The following HEMK2 variants were observed in gnomAD, a reference collection of about 807,000 sequenced individuals.
HEMK2 encodes the protein HemK methyltransferase 2, ETF1 glutamine and histone H4 lysine, also known as methyltransferase HEMK2.
At chr21:28,745,005 T>A in the HEMK2 span, among the ~76,000 whole-genome samples, 1 of 152,186 alleles carries the variant, frequency 6.6e-6, no homozygotes, top group Non-Finnish European at 1.5e-5. Flanking sequence ...GACAATTCAA[T>A]TTTTTCAACA....
At chr21:28,634,189 A>C in the HEMK2 span, among the ~76,000 whole-genome samples, 1 of 152,174 alleles carries the variant, frequency 6.6e-6, no homozygotes, top group Non-Finnish European at 1.5e-5. Context: ...CTTAGATCTG[A>C]CTTCCCAAAT....
At chr21:28,843,383 C>T in the HEMK2 span, among the ~76,000 whole-genome samples, 1 of 152,088 alleles carries the variant, frequency 6.6e-6, no homozygotes, top group African/African-American at 2.4e-5. Context: ...GGAAACAACC[C>T]CCATGATCCA....
chr21:28,746,114 G>A, the HEMK2 span, among the ~76,000 whole-genome samples: 1 of 152,106 alleles, frequency 6.6e-6, no homozygotes, highest in South Asian at 2.1e-4. Context: ...ACATGTGTAA[G>A]TAATAAAAAC....
At chr21:28,797,922 T>C in the HEMK2 span, among the ~76,000 whole-genome samples, 1 of 152,310 alleles carries the variant, frequency 6.6e-6, no homozygotes, top group East Asian at 1.9e-4. Flanking sequence ...AAGTTTCTGT[T>C]GATTCCTATC....
the HEMK2 span, among the ~76,000 whole-genome samples, chr21:28,694,868 GGC>G: frequency 6.6e-6 from 1 of 152,036 alleles, no homozygotes; most frequent in African/African-American, 2.4e-5. Flanking sequence ...CGTGGTGGCG[GGC>G]GCCTATAGTC....
the HEMK2 span, among the ~76,000 whole-genome samples, chr21:28,880,337 A>G: frequency 5.3e-5 from 8 of 152,244 alleles, no homozygotes; most frequent in African/African-American, 1.4e-4. Context: ...CTGTACAGAT[A>G]CCTACCATTA....
chr21:28,691,848 T>C, the HEMK2 span, among the ~76,000 whole-genome samples: 1 of 152,244 alleles, frequency 6.6e-6, no homozygotes, highest in Non-Finnish European at 1.5e-5. Context: ...CTGAACATTC[T>C]TTAAATGACT....
At chr21:28,618,287 G>A in the HEMK2 span, among the ~76,000 whole-genome samples, 12 of 152,110 alleles carry the variant, frequency 7.9e-5, no homozygotes, top group East Asian at 2.3e-3. Context: ...AAAATGTTCA[G>A]GTTTTCATGA....
the HEMK2 span, among the ~76,000 whole-genome samples, chr21:28,791,142 T>C: frequency 6.6e-6 from 1 of 152,154 alleles, no homozygotes; most frequent in Non-Finnish European, 1.5e-5. Flanking sequence ...TTACCTCAGT[T>C]GCTTTTTTAG....
At chr21:28,856,241 C>T in the HEMK2 span, among the ~76,000 whole-genome samples, 2 of 151,978 alleles carry the variant, frequency 1.3e-5, no homozygotes, top group East Asian at 3.9e-4. Context: ...ATGGTGAAAC[C>T]CTAACTCTAC....
At chr21:28,605,901 G>C in the HEMK2 span, among the ~76,000 whole-genome samples, 1 of 152,048 alleles carries the variant, frequency 6.6e-6, no homozygotes, top group Non-Finnish European at 1.5e-5. Context: ...TCCATTGAAG[G>C]TATCCATGAT....
chr21:28,868,963 C>T, the HEMK2 span, among the ~76,000 whole-genome samples: 17 of 151,838 alleles, frequency 1.1e-4, no homozygotes, highest in Non-Finnish European at 2.1e-4. Context: ...ATTTTCCTAT[C>T]CTTTTCCCTT....
chr21:28,715,983 C>A, the HEMK2 span, among the ~76,000 whole-genome samples: 6 of 152,134 alleles, frequency 3.9e-5, no homozygotes, highest in Non-Finnish European at 8.8e-5. Context: ...GTTATCCATT[C>A]TGTTCTATTG....
chr21:28,794,392 T>A, the HEMK2 span, among the ~76,000 whole-genome samples: 1 of 152,234 alleles, frequency 6.6e-6, no homozygotes, highest in Non-Finnish European at 1.5e-5. Flanking sequence ...GTAATGAGAA[T>A]AACTCAAATT....
At chr21:28,659,516 T>G in the HEMK2 span, among the ~76,000 whole-genome samples, 1 of 152,056 alleles carries the variant, frequency 6.6e-6, no homozygotes, top group African/African-American at 2.4e-5. Flanking sequence ...CATTTTCTGT[T>G]CAAGAGGAAA....
At chr21:28,842,452 C>T in the HEMK2 span, among the ~76,000 whole-genome samples, 5 of 152,106 alleles carry the variant, frequency 3.3e-5, no homozygotes, top group African/African-American at 7.2e-5. Context: ...TCAACAGATG[C>T]CATGAAATAA....
the HEMK2 span, among the ~76,000 whole-genome samples, chr21:28,722,001 T>C: frequency 4.0e-5 from 6 of 150,662 alleles, no homozygotes; most frequent in Non-Finnish European, 7.4e-5. Context: ...TAAATAGAAA[T>C]CATAGCTTAT....
chr21:28,769,548 G>A, the HEMK2 span, among the ~76,000 whole-genome samples: 9 of 152,116 alleles, frequency 5.9e-5, no homozygotes, highest in African/African-American at 1.9e-4. Context: ...TTAAAGTAAG[G>A]TTGTGGATTC....
the HEMK2 span, among the ~76,000 whole-genome samples, chr21:28,834,818 T>G: frequency 6.6e-6 from 1 of 151,580 alleles, no homozygotes; most frequent in African/African-American, 2.4e-5. Context: ...ATGGTGGGAG[T>G]GAGATGGGCC....
Sources: allele counts gnomAD v4.1 joint callset (sites outside exome capture counted in the v4.1 genomes callset), GRCh38; gene constraint gnomAD v4.1.1; transcripts MANE v1.5; gene names NCBI Gene and HGNC (gene_info 2026-07-23, HGNC 2026-07-21).